Variants in CDH20 observed in about 807,000 individuals in gnomAD.
The protein encoded by CDH20 is cadherin-20.
A neutral mutation model predicts 74.2 loss-of-function variants in CDH20; 29 were observed. The observed-to-expected ratio is 0.39, with a 90% CI of 0.29 to 0.53. CDH20 has a LOEUF of 0.53. Among genes scored for constraint, CDH20 ranks in the 20% least tolerant of loss-of-function variants. The pLI, the probability that CDH20 is intolerant of heterozygous loss-of-function variation, is 0.69. For missense variants in CDH20, 988 were observed against 1,048.3 expected, an observed-to-expected ratio of 0.94 and a Z score of 0.79; for synonymous variants, 469 against 405.4, an observed-to-expected ratio of 1.16 and a Z score of -1.88.
intron 1 of CDH20, among the ~76,000 whole-genome samples, chr18:61,348,035 G>A (rs966350410): frequency 2.6e-5 from 4 of 152,052 alleles, no homozygotes; most frequent in Non-Finnish European, 4.4e-5. Flanking sequence ...TTGGCTTCAC[G>A]TGTATTATTT....
intron 1 of CDH20, among the ~76,000 whole-genome samples, chr18:61,468,117 C>T (rs1910030809): frequency 1.3e-5 from 2 of 152,202 alleles, no homozygotes; most frequent in African/African-American, 4.8e-5. Flanking sequence ...GAATGTGATT[C>T]TGTACATATC....
At chr18:61,405,177 G>A (rs1912290288) in intron 1 of CDH20, 1 of 499,056 alleles carries the variant, frequency 2.0e-6, no homozygotes, top group Non-Finnish European at 3.7e-6. Flanking sequence ...CAACTCCAGC[G>A]ACTTTTTTGT....
chr18:61,460,094 C>CA (rs111333630), intron 1 of CDH20, among the ~76,000 whole-genome samples: 5,315 of 150,766 alleles, frequency 0.035, 307 homozygotes, highest in African/African-American at 0.12. Flanking sequence ...TAAAAACAAA[C>CA]AAAAAAAAAT....
At chr18:61,410,451 G>C (rs1912458168) in intron 1 of CDH20, among the ~76,000 whole-genome samples, 1 of 152,138 alleles carries the variant, frequency 6.6e-6, no homozygotes, top group African/African-American at 2.4e-5. Flanking sequence ...TGCTTCTAGT[G>C]AAACTGTAAA....
chr18:61,514,181 T>G (rs1053304919), intron 6 of CDH20, among the ~76,000 whole-genome samples: 6 of 151,728 alleles, frequency 4.0e-5, no homozygotes, highest in African/African-American at 1.4e-4. Context: ...CCATATTTCT[T>G]GGAGGCTTTG....
rs183175483 is a variant in CDH20 at position 61,435,681 on chromosome 18, T to C, written c.-152-54721T>C. On this transcript the variant is annotated intron_variant, in intron 1 of 11. Coordinates refer to ENST00000262717, the MANE Select transcript of CDH20 (RefSeq NM_031891.4). ...AATTCAAAGTTTTTAAAAATATATA[T>C]ATAACAGCTTTAAATTATATATTAA... Among the ~76,000 whole-genome samples the C allele has an allele frequency of 1.1e-3, 167 of 150,626 alleles. 1 individual carries two copies. The highest frequency in any genetic ancestry group is 7.8e-4 in the Non-Finnish European group (53 of 67,718).
At chr18:61,463,725 C>G (rs1170056381) in intron 1 of CDH20, among the ~76,000 whole-genome samples, 1 of 152,024 alleles carries the variant, frequency 6.6e-6, no homozygotes, top group Non-Finnish European at 1.5e-5. Flanking sequence ...AGCAGAAATC[C>G]CATCTGAAGG....
At chr18:61,419,562 T>C (rs1001283035) in intron 1 of CDH20, among the ~76,000 whole-genome samples, 1 of 152,174 alleles carries the variant, frequency 6.6e-6, no homozygotes, top group African/African-American at 2.4e-5. Flanking sequence ...CTCCATTTCC[T>C]CACATTCTCA....
At chr18:61,523,800 G>C (rs1912294746) in intron 6 of CDH20, among the ~76,000 whole-genome samples, 1 of 152,020 alleles carries the variant, frequency 6.6e-6, no homozygotes, top group South Asian at 2.1e-4. Context: ...TTCTCAGCAA[G>C]CTAACACATG....
Position 61,518,803 on chromosome 18 carries a change from TG to T in CDH20, c.1018-9161del, listed in dbSNP as rs991618707. On this transcript the variant is annotated intron_variant, in intron 6 of 11. Coordinates refer to ENST00000262717, the MANE Select transcript of CDH20 (RefSeq NM_031891.4). ...ACTGACAGAAGTGGGCTTCAGAAAG[TG>T]GGTAATAACAAACTTTTCCGAGCTA... Among the ~76,000 whole-genome samples the T allele has an allele frequency of 4.6e-5, 7 of 151,042 alleles. 1 individual carries two copies. The highest frequency in any genetic ancestry group is 1.7e-4 in the African/African-American group (7 of 40,570).
intron 2 of CDH20, among the ~76,000 whole-genome samples, chr18:61,491,212 G>A (rs1233415298): frequency 1.5e-5 from 2 of 137,712 alleles, no homozygotes; most frequent in Non-Finnish European, 3.1e-5. Flanking sequence ...GGTATTGCCT[G>A]AGGTGCAAAT....
At chr18:61,524,316 TG>T (rs1912311716) in intron 6 of CDH20, among the ~76,000 whole-genome samples, 1 of 152,148 alleles carries the variant, frequency 6.6e-6, no homozygotes, top group Non-Finnish European at 1.5e-5. Flanking sequence ...GACAAAGATG[TG>T]GGGTGACTAG....
chr18:61,372,330 T>C (rs1176103754), intron 1 of CDH20, among the ~76,000 whole-genome samples: 2 of 152,132 alleles, frequency 1.3e-5, no homozygotes, highest in African/African-American at 2.4e-5. Flanking sequence ...TCTGTGTCTA[T>C]TGATCCTTTC....
chr18:61,346,767 T>G (rs1599027716), intron 1 of CDH20, among the ~76,000 whole-genome samples: 1 of 152,096 alleles, frequency 6.6e-6, no homozygotes, highest in Admixed American at 6.6e-5. Flanking sequence ...TACAGTTGAG[T>G]AGGTGAGTGA....
At chr18:61,500,671 G>A (rs551150214) in intron 4 of CDH20, among the ~76,000 whole-genome samples, 169 bp downstream of exon 4, 5 of 152,186 alleles carry the variant, frequency 3.3e-5, no homozygotes, top group African/African-American at 1.2e-4. Context: ...GCCCTGACAG[G>A]TAAGAGCAGC....
chr18:61,467,476 A>G (rs1910001166), intron 1 of CDH20, among the ~76,000 whole-genome samples: 1 of 152,208 alleles, frequency 6.6e-6, no homozygotes, highest in Admixed American at 6.5e-5. Context: ...CATCAAATAC[A>G]GAGTTTGCAA....
chr18:61,486,442 C>T (rs1176543085), intron 1 of CDH20, among the ~76,000 whole-genome samples: 2 of 152,138 alleles, frequency 1.3e-5, no homozygotes, highest in Non-Finnish European at 2.9e-5. Context: ...GTGTCATTCT[C>T]TGGGGTTTTG....
intron 2 of CDH20, among the ~76,000 whole-genome samples, chr18:61,492,574 G>A (rs1910996196): frequency 6.6e-6 from 1 of 152,176 alleles, no homozygotes; most frequent in Non-Finnish European, 1.5e-5. Context: ...CATGGCCCAT[G>A]CTACTCTCTC....
In CDH20 at chr18:61,550,066, C is replaced by T. The variant is rs778506218; in HGVS notation, c.1737C>T (p.Ser579=). The T allele has an allele frequency of 9.3e-6, 15 of 1,614,076 alleles. No homozygotes were observed. The highest frequency in any genetic ancestry group is 8.0e-5 in the African/African-American group (6 of 74,936). Residue 579 remains serine, a synonymous_variant, in exon 11 of 12, where the codon AGC becomes AGT. Coordinates refer to ENST00000262717, the MANE Select transcript of CDH20 (RefSeq NM_031891.4). ...VFHLPILIAD[S]GQPVLSSTGT... ...ACCTGCCTATCCTGATAGCAGATAGCGGGCAGCCCGTGCTGAGCAGCACAG... is the reference window on the plus strand; with the variant it reads ...ACCTGCCTATCCTGATAGCAGATAGTGGGCAGCCCGTGCTGAGCAGCACAG...
Sources: gnomAD v4.1 joint callset for allele counts (sites outside exome capture counted in the v4.1 genomes callset) on GRCh38, gnomAD v4.1.1 for gene constraint, MANE v1.5 for transcripts, NCBI Gene and HGNC (gene_info 2026-07-23, HGNC 2026-07-21) for gene names.